SLC27A4: variants seen among roughly 807,000 people sequenced by gnomAD.
SLC27A4 encodes the protein long-chain fatty acid transport protein 4.
SLC27A4 carries 33 observed loss-of-function variants against 64.4 expected under a neutral mutation model. The ratio of observed to expected loss-of-function variants is 0.51; its 90% confidence interval spans 0.39 to 0.68. The LOEUF is 0.68. Among genes scored for constraint, SLC27A4 ranks in the 30% least tolerant of loss-of-function variants. The probability of loss-of-function intolerance (pLI) is 0.00; values close to 1 mark genes in which losing one functional copy is unlikely to be tolerated. For synonymous variants in SLC27A4, 377 were observed against 370.0 expected (o/e 1.02, Z -0.22); for missense variants, 824 against 883.5 (o/e 0.93, Z 0.85).
At chr9:128,342,212 T>G in intron 1 of SLC27A4, 1 of 1,598,326 alleles carries the variant, frequency 6.3e-7, no homozygotes, top group Non-Finnish European at 8.6e-7. Context: ...CATGCCTCGC[T>G]CCGCTTTTCC....
At position 128,355,156 on chromosome 9, in the gene SLC27A4, T is replaced by G. The variant is rs145475190; in HGVS notation, c.1428T>G (p.Asp476Glu). The G allele has an allele frequency of 1.2e-6, 2 of 1,613,522 alleles. No individual in the cohort carries two copies. The highest frequency in any genetic ancestry group is 2.7e-5 in the African/African-American group (2 of 74,896). Residue 476 changes from aspartate to glutamate, a missense_variant, in exon 10 of 13, where the codon GAT becomes GAG. Transcript: ENST00000300456. ...CCAACAACAAGAAGATTGCCAAGGA[T>G]GTCTTCAAGAAGGGGGACCAGGCCT... ...QGANNKKIAK[D>E]VFKKGDQAYL...
chr9:128,355,261 G>A, intron 10 of SLC27A4, 71 bp downstream of exon 10: 10 of 1,602,824 alleles, frequency 6.2e-6, no homozygotes, highest in Non-Finnish European at 8.5e-6. Context: ...CACCTCCAGA[G>A]GACACCTTCC....
intron 3 of SLC27A4, among the ~76,000 whole-genome samples, chr9:128,348,292 G>A (rs1481644079): frequency 6.6e-6 from 1 of 152,220 alleles, no homozygotes; most frequent in Non-Finnish European, 1.5e-5. Flanking sequence ...TGTAAGAGGG[G>A]CTGTCAATGG....
Position 128,348,646 on chromosome 9 carries a change from C to G in SLC27A4, c.658C>G (p.Pro220Ala). ...AVPPSTEHLD[P>A]LLKDAPKHLP... ...GCCTCCAAGCACAGAACACCTGGAC[C>G]CTCTGCTGAAAGATGCTCCCAAGCA... The change falls in exon 4 of 13, where the codon CCT becomes GCT. Residue 220 changes from proline to alanine, a missense_variant. Physicochemically the swap from Pro to Ala is conservative, Grantham distance 27. Transcript: ENST00000300456. 1 of 1,614,074 alleles carries G rather than the reference C, an allele frequency of 6.2e-7. No individual in the cohort carries two copies. The highest frequency in any genetic ancestry group is 8.5e-7 in the Non-Finnish European group (1 of 1,180,040).
chr9:128,357,111 A>G (rs1832831459), intron 12 of SLC27A4, among the ~76,000 whole-genome samples: 1 of 150,036 alleles, frequency 6.7e-6, no homozygotes, highest in Non-Finnish European at 1.5e-5. Flanking sequence ...AAAAAAAAAA[A>G]ATTAGCCAGG....
chr9:128,352,729 T>C lies in SLC27A4; in HGVS notation c.969T>C (p.Cys323=), dbSNP rs1832755687. 8 of 1,613,546 alleles carry C rather than the reference T, an allele frequency of 5.0e-6. No homozygotes were observed. Among genetic ancestry groups the C allele is most frequent in the African/African-American group, 1.3e-5 (1 of 74,916 alleles). Residue 323 remains cysteine (C), a synonymous_variant, in exon 7 of 13, where the codon TGT becomes TGC. Transcript: ENST00000300456. ...KFSASRFWDD[C]IKYNCTIVQY... is the part of the protein sequence containing the mutation. ...CAGCCTCCCGGTTCTGGGACGATTG[T>C]ATCAAGTACAACTGCACGGTGAGCG...
At position 128,345,789 on chromosome 9, in the gene SLC27A4, T is replaced by A. The variant is rs1269422270; in HGVS notation, c.556+240T>A. Among the ~76,000 whole-genome samples the A allele has an allele frequency of 6.6e-6, 1 of 152,214 alleles. No individual in the cohort carries two copies. The highest frequency in any genetic ancestry group is 1.5e-5 in the Non-Finnish European group (1 of 68,030). On this transcript the variant is annotated intron_variant, in intron 3 of 12. Coordinates refer to ENST00000300456, the MANE Select transcript of SLC27A4 (RefSeq NM_005094.4). This position sits in a 1 kb window ranked among gnomAD's most constrained non-coding sequence, Gnocchi z 4.1. ...CTGTTTTCAAAAAGGTACTTCAGAC[T>A]GGGCATAGTGGCTCACAGCTGTAAT...
intron 9 of SLC27A4, among the ~76,000 whole-genome samples, chr9:128,354,250 C>T (rs2131267395): frequency 6.6e-6 from 1 of 152,272 alleles, no homozygotes; most frequent in Admixed American, 6.5e-5. Context: ...GGCCCTCATT[C>T]ATTCATTTTC....
intron 10 of SLC27A4, 88 bp downstream of exon 10, chr9:128,355,278 T>A (rs1448828050): frequency 1.3e-6 from 2 of 1,597,318 alleles, no homozygotes; most frequent in Non-Finnish European, 1.7e-6. Context: ...TTCCCAGGAC[T>A]CCCCCAGTCC....
intron 12 of SLC27A4, among the ~76,000 whole-genome samples, chr9:128,357,995 TG>T (rs748156163): frequency 1.3e-5 from 2 of 152,196 alleles, no homozygotes; most frequent in Non-Finnish European, 2.9e-5. Flanking sequence ...ACCATACTTC[TG>T]TCCAGGAAAG....
chr9:128,347,685 T>C (rs533497229), intron 3 of SLC27A4, among the ~76,000 whole-genome samples: 2 of 138,438 alleles, frequency 1.4e-5, no homozygotes, highest in African/African-American at 5.5e-5. Context: ...CACTCCAGCC[T>C]GGGCGACAGA....
intron 12 of SLC27A4, among the ~76,000 whole-genome samples, chr9:128,357,819 C>T (rs1000798464): frequency 3.3e-5 from 5 of 152,228 alleles, no homozygotes; most frequent in Non-Finnish European, 5.9e-5. Context: ...TCAGTCCTGC[C>T]TTGATGGTGG....
At position 128,343,128 on chromosome 9, in the gene SLC27A4, C is replaced by T; in HGVS notation, c.-5C>T. 1.9e-6 allele frequency: 3 copies of T among 1,613,370 alleles called. No individual in the cohort carries two copies. The highest frequency in any genetic ancestry group is 2.2e-5 in the South Asian group (2 of 91,016). On this transcript the variant is annotated splice_region_variant and 5_prime_UTR_variant, in exon 2 of 13. Coordinates refer to ENST00000300456, the MANE Select transcript of SLC27A4 (RefSeq NM_005094.4). ...CCACTAACTGCCCTGTGTCCGCAGG[C>T]CACAATGCTGCTTGGAGCCTCTCTG...
At chr9:128,356,632 C>T (rs1034142260) in intron 12 of SLC27A4, among the ~76,000 whole-genome samples, 4 of 152,242 alleles carry the variant, frequency 2.6e-5, no homozygotes, top group South Asian at 2.1e-4. Flanking sequence ...GGCAAAACCC[C>T]GTCTCCACTA....
At chr9:128,354,917 C>T (rs900464975) in intron 9 of SLC27A4, 136 bp from the exon 10 acceptor site, 11 of 926,788 alleles carry the variant, frequency 1.2e-5, no homozygotes, top group East Asian at 1.1e-4. Context: ...TGCACTGCTG[C>T]ACTCCAGCCT....
chr9:128,344,903 T>A (rs1182982372), intron 2 of SLC27A4, among the ~76,000 whole-genome samples: 1 of 152,132 alleles, frequency 6.6e-6, no homozygotes, highest in African/African-American at 2.4e-5. Context: ...CATGAAGCTT[T>A]GAGCAGGCCA....
chr9:128,341,040 C>T (rs1832563069), intron 1 of SLC27A4, among the ~76,000 whole-genome samples: 1 of 152,270 alleles, frequency 6.6e-6, no homozygotes, highest in African/African-American at 2.4e-5. Flanking sequence ...TCACCCTCTT[C>T]TGGCCTCTTC....
In SLC27A4 at chr9:128,353,393, G is replaced by T. The variant is rs778383429; in HGVS notation, c.1198-22G>T. 1.2e-6 allele frequency: 2 copies of T among 1,614,124 alleles called. No individual in the cohort carries two copies. Among genetic ancestry groups the T allele is most frequent in the Non-Finnish European group, 8.5e-7 (1 of 1,180,032 alleles). ...TTGGGCCCATGGTGAGAGAGCCCAG[G>T]CCCAAGTCTTGGCCTTCGCAGGTGG... On this transcript the variant is annotated intron_variant, in intron 8 of 12. Transcript: ENST00000300456. The surrounding 1 kb of genome is among the most constrained non-coding windows in gnomAD (Gnocchi z 4.9).
rs1244654274 is a variant in SLC27A4 at position 128,340,659 on chromosome 9, C to G, written c.-186C>G. 5.2e-6 allele frequency: 1 copy of G among 193,558 alleles called. No individual in the cohort carries two copies. The highest frequency in any genetic ancestry group is 1.3e-4 in the African/African-American group (1 of 7,862). 12.0% of individuals were successfully genotyped at this position (193,558 alleles called of 1,614,324 possible). A position where few individuals can be genotyped will look rare whatever the true frequency, so the allele number is the denominator to read the frequency against. On this transcript the variant is annotated 5_prime_UTR_variant, in exon 1 of 13. Transcript: ENST00000300456. ...GCGGGCGGGGTAGGAGCGCGGCGGG[C>G]GGGGCCGGGCGGCGGGCGGGGCTGG... is the stretch of plus-strand genomic sequence containing the variant.
Sources: allele counts gnomAD v4.1 joint callset (sites outside exome capture counted in the v4.1 genomes callset), GRCh38; gene constraint gnomAD v4.1.1; non-coding constraint Gnocchi (gnomAD v3.1); transcripts MANE v1.5; gene names NCBI Gene and HGNC (gene_info 2026-07-23, HGNC 2026-07-21).